Variants in LHFPL6 observed in about 807,000 individuals in gnomAD.
LHFPL6 encodes the protein LHFPL tetraspan subfamily member 6.
A neutral mutation model predicts 20.6 loss-of-function variants in LHFPL6; 9 were observed. The ratio of observed to expected loss-of-function variants is 0.44; its 90% CI spans 0.26 to 0.76. The LOEUF (loss-of-function observed/expected upper bound fraction) is 0.76, where lower values mean the gene tolerates loss of function less well. Among genes scored for constraint, LHFPL6 ranks in the 30% least tolerant of loss-of-function variants. The pLI, the probability that LHFPL6 is intolerant of heterozygous loss-of-function variation, is 0.20. For synonymous variants in LHFPL6, 105 were observed against 98.7 expected (o/e 1.06, Z -0.38); for missense variants, 218 against 253.5 (o/e 0.86, Z 0.95).
At chr13:39,491,389 C>T (rs867946013) in intron 2 of LHFPL6, among the ~76,000 whole-genome samples, 7 of 152,160 alleles carry the variant, frequency 4.6e-5, no homozygotes, top group Non-Finnish European at 1.0e-4. Flanking sequence ...ATGGTTGCAA[C>T]TAGCTGAAGC....
At chr13:39,353,686 C>T (rs962204958) in intron 3 of LHFPL6, among the ~76,000 whole-genome samples, 1 of 152,218 alleles carries the variant, frequency 6.6e-6, no homozygotes, top group African/African-American at 2.4e-5. Context: ...CGAGATTGTG[C>T]CACTGAACTC....
chr13:39,584,089 T>C (rs1404985028), intron 2 of LHFPL6, among the ~76,000 whole-genome samples: 1 of 152,204 alleles, frequency 6.6e-6, no homozygotes, highest in Admixed American at 6.5e-5. Flanking sequence ...TCTGTAATTT[T>C]ACTTTCATTT....
intron 3 of LHFPL6, among the ~76,000 whole-genome samples, chr13:39,356,159 AATC>A (rs1869720487): frequency 6.6e-6 from 1 of 152,094 alleles, no homozygotes; most frequent in African/African-American, 2.4e-5. Flanking sequence ...TAAAAAGTAA[AATC>A]ATACCAAGCA....
chr13:39,496,505 G>T (rs1869105999), intron 2 of LHFPL6, among the ~76,000 whole-genome samples: 1 of 152,258 alleles, frequency 6.6e-6, no homozygotes, highest in South Asian at 2.1e-4. Flanking sequence ...CCCTAAAGAA[G>T]GCTCTTTCAA....
At chr13:39,466,765 G>A (rs1193243632) in intron 2 of LHFPL6, among the ~76,000 whole-genome samples, 7 of 152,060 alleles carry the variant, frequency 4.6e-5, no homozygotes, top group African/African-American at 1.4e-4. Context: ...GCACTTCATC[G>A]GCAAACACCT....
intron 2 of LHFPL6, among the ~76,000 whole-genome samples, chr13:39,570,106 G>A (rs1033270767): frequency 1.3e-5 from 2 of 152,040 alleles, no homozygotes; most frequent in African/African-American, 2.4e-5. Flanking sequence ...AGCTTTTCAA[G>A]CTTAATCTTT....
chr13:39,479,411 T>C (rs1180948497), intron 2 of LHFPL6, among the ~76,000 whole-genome samples: 1 of 152,160 alleles, frequency 6.6e-6, no homozygotes, highest in Non-Finnish European at 1.5e-5. Flanking sequence ...AGGAGCTCCA[T>C]CACCATGATG....
chr13:39,601,102 C>G lies in LHFPL6; in HGVS notation c.115G>C (p.Gly39Arg), dbSNP rs182804022. The G allele has an allele frequency of 7.8e-4, 1,260 of 1,614,146 alleles. 15 individuals carry two copies. Among genetic ancestry groups the G allele is most frequent in the Non-Finnish European group, 4.2e-5 (49 of 1,180,028 alleles). ...MPYWLWGSQL[G>R]KPVSFGTFRR... ...AAGGTACCGAAGGACACAGGCTTGC[C>G]CAGCTGTGATCCCCAGAGCCAGTAA... The change falls in exon 2 of 4, where the codon GGC becomes CGC. Residue 39 changes from glycine to arginine, a missense_variant. Coordinates refer to ENST00000379589, the MANE Select transcript of LHFPL6 (RefSeq NM_005780.3).
chr13:39,344,905 T>A (rs1362520616), intron 3 of LHFPL6, among the ~76,000 whole-genome samples: 3 of 152,204 alleles, frequency 2.0e-5, no homozygotes, highest in African/African-American at 4.8e-5. Flanking sequence ...GGGTTCTAGA[T>A]CCCAAGAATA....
At chr13:39,478,219 T>G (rs1003276208) in intron 2 of LHFPL6, among the ~76,000 whole-genome samples, 17 of 152,070 alleles carry the variant, frequency 1.1e-4, no homozygotes, top group Non-Finnish European at 7.4e-5. Context: ...ACCTAGAGAT[T>G]AATGGAAGCT....
chr13:39,567,046 A>ATTTTTT (rs1555268581), intron 2 of LHFPL6, among the ~76,000 whole-genome samples: 6 of 124,970 alleles, frequency 4.8e-5, no homozygotes, highest in African/African-American at 1.1e-4. Flanking sequence ...TTTTTTTTTC[A>ATTTTTT]TTTTTGTTTT....
intron 2 of LHFPL6, among the ~76,000 whole-genome samples, chr13:39,582,619 T>C (rs1301159207): frequency 2.0e-5 from 3 of 152,314 alleles, no homozygotes; most frequent in Admixed American, 1.3e-4. Flanking sequence ...GTGGTTTTAA[T>C]GGCAATGCTG....
At chr13:39,568,287 A>AC (rs5802998) in intron 2 of LHFPL6, among the ~76,000 whole-genome samples, 1 of 151,862 alleles carries the variant, frequency 6.6e-6, no homozygotes, top group Non-Finnish European at 1.5e-5. Flanking sequence ...GAAAAAAAAA[A>AC]CAGAATATGA....
At chr13:39,525,655 T>TA (rs913066531) in intron 2 of LHFPL6, among the ~76,000 whole-genome samples, 1,614 of 141,568 alleles carry the variant, frequency 0.011, 9 homozygotes, top group Admixed American at 0.02. Flanking sequence ...ACAGTGACAA[T>TA]AAAAAAAAAA....
intron 2 of LHFPL6, among the ~76,000 whole-genome samples, chr13:39,460,429 G>C (rs141022399): frequency 1.4e-3 from 213 of 152,242 alleles, no homozygotes; most frequent in African/African-American, 4.9e-3. Flanking sequence ...CACAACCTGG[G>C]CATTGGTCTA....
At chr13:39,349,904 C>T (rs959837524) in intron 3 of LHFPL6, among the ~76,000 whole-genome samples, 3 of 152,094 alleles carry the variant, frequency 2.0e-5, no homozygotes, top group Non-Finnish European at 2.9e-5. Flanking sequence ...GAGATGGATC[C>T]CATTTTGGGT....
At chr13:39,588,298 GCACATTA>G (rs2138546093) in intron 2 of LHFPL6, among the ~76,000 whole-genome samples, 1 of 152,292 alleles carries the variant, frequency 6.6e-6, no homozygotes, top group East Asian at 1.9e-4. Context: ...CCAACACGTA[GCACATTA>G]TTTGACATAC....
intron 2 of LHFPL6, among the ~76,000 whole-genome samples, chr13:39,398,925 T>A (rs1003405788): frequency 2.0e-5 from 3 of 152,180 alleles, no homozygotes; most frequent in Admixed American, 1.3e-4. Context: ...CACCCTCCTG[T>A]CCATGGAAAA....
At chr13:39,532,070 T>C (rs1870483872) in intron 2 of LHFPL6, among the ~76,000 whole-genome samples, 1 of 152,154 alleles carries the variant, frequency 6.6e-6, no homozygotes, top group African/African-American at 2.4e-5. Flanking sequence ...AGTCTGGAAA[T>C]TACCCCTGAA....
Sources: gnomAD v4.1 joint callset for allele counts (sites outside exome capture counted in the v4.1 genomes callset) on GRCh38, gnomAD v4.1.1 for gene constraint, MANE v1.5 for transcripts, NCBI Gene and HGNC (gene_info 2026-07-23, HGNC 2026-07-21) for gene names.